The following SCLT1 variants were observed in gnomAD, a reference collection of about 807,000 sequenced individuals.
SCLT1 encodes the protein sodium channel-associated protein 1.
In SCLT1, 78 loss-of-function variants were observed where a neutral mutation model predicts 112.8. The observed-to-expected ratio is 0.69, with a 90% CI of 0.58 to 0.83. SCLT1 has a LOEUF of 0.83. Among genes scored for constraint, SCLT1 ranks in the 40% least tolerant of loss-of-function variants. The pLI is 0.00. For synonymous variants in SCLT1, 257 were observed against 254.7 expected, an observed-to-expected ratio of 1.01 and a Z score of -0.09; for missense variants, 747 against 770.4, an observed-to-expected ratio of 0.97 and a Z score of 0.36.
At chr4:128,973,542 G>T (rs1220250728) in intron 9 of SCLT1, among the ~76,000 whole-genome samples, 2 of 151,118 alleles carry the variant, frequency 1.3e-5, no homozygotes, top group Admixed American at 1.3e-4. Flanking sequence ...AAGAGAGAGA[G>T]AATGTTACAG....
intron 18 of SCLT1, among the ~76,000 whole-genome samples, chr4:128,928,567 T>C (rs868728168): frequency 3.3e-5 from 5 of 151,754 alleles, no homozygotes; most frequent in African/African-American, 9.7e-5. Context: ...CTGTAGGCTT[T>C]GCATGCTGGC....
chr4:129,052,891 C>G (rs1312835068), intron 2 of SCLT1, among the ~76,000 whole-genome samples: 1 of 152,154 alleles, frequency 6.6e-6, no homozygotes, highest in East Asian at 1.9e-4. Context: ...CCTCTACACA[C>G]TGTTTAAATA....
At chr4:129,016,171 T>C (rs979931219) in intron 5 of SCLT1, among the ~76,000 whole-genome samples, 18 of 152,178 alleles carry the variant, frequency 1.2e-4, no homozygotes, top group Admixed American at 7.2e-4. Flanking sequence ...ATTATTTTAG[T>C]TTTATCTTAT....
chr4:128,920,272 A>G lies in SCLT1; in HGVS notation c.1829+16383T>C, dbSNP rs114656383. On this transcript the variant is annotated intron_variant, in intron 18 of 20. Transcript: ENST00000281142. ...CAAATCAAGAAATGTGATTCACCAC[A>G]TAAACAGAACTAAAAACAAAAATCA... 2.7e-3 allele frequency among the ~76,000 whole-genome samples: 408 copies of G among 152,338 alleles called. 1 individual carries two copies. Among genetic ancestry groups the G allele is most frequent in the South Asian group, 0.01 (49 of 4,826 alleles).
At chr4:129,024,737 G>T (rs1745863914) in intron 5 of SCLT1, among the ~76,000 whole-genome samples, 1 of 152,134 alleles carries the variant, frequency 6.6e-6, no homozygotes, top group Non-Finnish European at 1.5e-5. Flanking sequence ...GGCTTCAGAT[G>T]ATCAAACTAC....
At position 128,925,727 on chromosome 4, in the gene SCLT1, C is replaced by G. The variant is rs138006476; in HGVS notation, c.1829+10928G>C. On this transcript the variant is annotated intron_variant, in intron 18 of 20. Transcript: ENST00000281142. ...TATTGTCCCTAAAGTCTCTGAGGCT[C>G]TCTGTGCATAATTTTTCTTTGGTCT... Among the ~76,000 whole-genome samples the G allele has an allele frequency of 3.7e-4, 56 of 152,216 alleles. No homozygotes were observed. The East Asian group carries it at 0.011, about 29-fold the overall frequency.
chr4:128,927,004 G>A (rs951893000), intron 18 of SCLT1, among the ~76,000 whole-genome samples: 1 of 151,146 alleles, frequency 6.6e-6, no homozygotes, highest in African/African-American at 2.4e-5. Flanking sequence ...AAAACCAAAT[G>A]AATTAAAAAG....
chr4:129,063,756 C>T (rs1750212338), intron 2 of SCLT1, among the ~76,000 whole-genome samples: 1 of 152,190 alleles, frequency 6.6e-6, no homozygotes, highest in Non-Finnish European at 1.5e-5. Context: ...GAGTCCCTCC[C>T]TGTTCTCCCT....
At chr4:129,010,980 C>A (rs1744469820) in intron 5 of SCLT1, among the ~76,000 whole-genome samples, 1 of 152,214 alleles carries the variant, frequency 6.6e-6, no homozygotes, top group Non-Finnish European at 1.5e-5. Context: ...CGAGAAAGGG[C>A]ATCCTTGTCT....
intron 2 of SCLT1, among the ~76,000 whole-genome samples, chr4:129,064,426 C>T (rs1355051091): frequency 6.6e-6 from 1 of 152,132 alleles, no homozygotes; most frequent in Non-Finnish European, 1.5e-5. Flanking sequence ...GTATCTGCAA[C>T]TGACCCTCAA....
At chr4:128,901,447 C>T (rs982162949) in intron 18 of SCLT1, among the ~76,000 whole-genome samples, 15 of 151,424 alleles carry the variant, frequency 9.9e-5, no homozygotes, top group African/African-American at 3.6e-4. Flanking sequence ...CGCATGTTCT[C>T]ACTCTTGGGT....
At position 128,981,897 on chromosome 4, in the gene SCLT1, G is replaced by A. The variant is rs558543354; in HGVS notation, c.686+10270C>T. Reference sequence around the variant, plus strand: ...TTGGATTATATCCTATAGGCATTTAGTAGCCATTGAAGGAGAGTGACATGA... The same window carrying A: ...TTGGATTATATCCTATAGGCATTTAATAGCCATTGAAGGAGAGTGACATGA... On this transcript the variant is annotated intron_variant, in intron 9 of 20. Transcript: ENST00000281142. Among the ~76,000 whole-genome samples the A allele has an allele frequency of 2.0e-5, 3 of 152,244 alleles. No individual in the cohort carries two copies. The South Asian group carries it at 6.2e-4, about 32-fold the overall frequency.
At chr4:128,991,795 A>G (rs1255493737) in intron 9 of SCLT1, among the ~76,000 whole-genome samples, 1 of 151,842 alleles carries the variant, frequency 6.6e-6, no homozygotes, top group East Asian at 1.9e-4. Context: ...TTAAAACAAT[A>G]AAAAATAAAA....
chr4:129,013,656 G>T (rs532401453), intron 5 of SCLT1, among the ~76,000 whole-genome samples: 1 of 152,232 alleles, frequency 6.6e-6, no homozygotes, highest in Admixed American at 6.5e-5. Context: ...GGCTTGTAGG[G>T]TTTCTGCTGA....
intron 2 of SCLT1, among the ~76,000 whole-genome samples, chr4:129,068,653 G>A (rs943633916): frequency 3.9e-5 from 6 of 152,068 alleles, no homozygotes; most frequent in Non-Finnish European, 8.8e-5. Context: ...GTTTGAGTTT[G>A]TTGTAGATTC....
chr4:129,009,205 C>A (rs1394020073), intron 5 of SCLT1, among the ~76,000 whole-genome samples: 1 of 151,834 alleles, frequency 6.6e-6, no homozygotes, highest in African/African-American at 2.4e-5. Context: ...GGTTAAATGG[C>A]ACTTCTGTTT....
chr4:128,899,090 G>T (rs899611432), intron 18 of SCLT1, among the ~76,000 whole-genome samples: 1 of 152,140 alleles, frequency 6.6e-6, no homozygotes, highest in Non-Finnish European at 1.5e-5. Context: ...AATTCTACCA[G>T]AGGTACAAGG....
At chr4:129,054,818 T>C (rs1381064702) in intron 2 of SCLT1, among the ~76,000 whole-genome samples, 1 of 152,158 alleles carries the variant, frequency 6.6e-6, no homozygotes, top group African/African-American at 2.4e-5. Flanking sequence ...TGTGATTATG[T>C]GGTGAAGAGG....
intron 1 of SCLT1, among the ~76,000 whole-genome samples, chr4:129,090,900 A>G (rs1752771767): frequency 6.6e-6 from 1 of 152,224 alleles, no homozygotes; most frequent in African/African-American, 2.4e-5. Context: ...AGTAATTATC[A>G]GAGGAAATGT....
Sources: gnomAD v4.1 joint callset for allele counts (sites outside exome capture counted in the v4.1 genomes callset) on GRCh38, gnomAD v4.1.1 for gene constraint, MANE v1.5 for transcripts, NCBI Gene and HGNC (gene_info 2026-07-23, HGNC 2026-07-21) for gene names.